The following EFR3B variants were observed in gnomAD, a reference collection of about 807,000 sequenced individuals.
EFR3B encodes EFR3 homolog B, also known as protein EFR3 homolog B.
A neutral mutation model predicts 104.7 loss-of-function variants in EFR3B; 64 were observed. The ratio of observed to expected loss-of-function variants is 0.61; its 90% CI spans 0.50 to 0.75. The LOEUF is 0.75. Ranked by LOEUF, EFR3B falls within the 30% of genes least tolerant of loss-of-function variation. The pLI is 0.00. For missense variants in EFR3B, 750 were observed against 1,078.5 expected, an observed-to-expected ratio of 0.70 and a Z score of 4.27; for synonymous variants, 385 against 417.9, an observed-to-expected ratio of 0.92 and a Z score of 0.96.
chr2:25,043,646 C>T (rs537271907), intron 1 of EFR3B, among the ~76,000 whole-genome samples: 1 of 152,256 alleles, frequency 6.6e-6, no homozygotes, highest in East Asian at 1.9e-4. Context: ...GGGAGGTTGG[C>T]CTGAGAGGCT....
At chr2:25,053,339 G>A (rs954367972) in intron 1 of EFR3B, among the ~76,000 whole-genome samples, 5 of 152,226 alleles carry the variant, frequency 3.3e-5, no homozygotes, top group African/African-American at 1.2e-4. Context: ...TAGGTCCTGA[G>A]AGACAGGCCA....
intron 1 of EFR3B, 22 bp from the exon 2 acceptor site, chr2:25,091,303 G>T: frequency 6.5e-7 from 1 of 1,548,652 alleles, no homozygotes; most frequent in African/African-American, 1.4e-5. Context: ...TTTGCTCACA[G>T]TTTTTCCCAT....
intron 1 of EFR3B, among the ~76,000 whole-genome samples, chr2:25,075,352 A>T (rs918308479): frequency 2.0e-5 from 3 of 152,120 alleles, no homozygotes; most frequent in Non-Finnish European, 2.9e-5. Context: ...TACTAACCTC[A>T]TGGGATTTTA....
chr2:25,117,791 C>T (rs1380551518), intron 4 of EFR3B, among the ~76,000 whole-genome samples: 8 of 152,086 alleles, frequency 5.3e-5, no homozygotes, highest in Admixed American at 1.3e-4. Flanking sequence ...TCATCCCCTG[C>T]TCCCCAGCAG....
intron 16 of EFR3B, among the ~76,000 whole-genome samples, chr2:25,139,631 G>A (rs769774531): frequency 1.3e-4 from 19 of 150,640 alleles, no homozygotes; most frequent in African/African-American, 3.1e-4. Context: ...AAGGTGGCCC[G>A]AGTAGAATGG....
chr2:25,079,438 C>T (rs920153873), intron 1 of EFR3B, among the ~76,000 whole-genome samples: 5 of 152,172 alleles, frequency 3.3e-5, no homozygotes, highest in Non-Finnish European at 5.9e-5. Context: ...CACTTAACCT[C>T]TCTGATCCTG....
chr2:25,080,754 T>C (rs1382879489), intron 1 of EFR3B: 9 of 1,285,354 alleles, frequency 7.0e-6, no homozygotes, highest in Non-Finnish European at 8.9e-6. Context: ...AGATTTTCTT[T>C]TGGCGTTAGG....
In EFR3B at chr2:25,131,869, C is replaced by A; in HGVS notation, c.1105C>A (p.His369Asn). 1 of 1,546,956 alleles carries A rather than the reference C, an allele frequency of 6.5e-7. No homozygotes were observed. Among genetic ancestry groups the A allele is most frequent in the Non-Finnish European group, 8.7e-7 (1 of 1,145,456 alleles). Reference sequence around the variant, plus strand: ...CCTCGGCACCAAGATCATCAAGGAGCACGAGGAGCGCATGTTCCAGGAGGC... The same window carrying A: ...CCTCGGCACCAAGATCATCAAGGAGAACGAGGAGCGCATGTTCCAGGAGGC... ...VSLGTKIIKE[H>N]EERMFQEAVI... Residue 369 changes from histidine to asparagine, a missense_variant, in exon 10 of 23, where the codon CAC (histidine) becomes AAC (asparagine). Physicochemically the swap from His to Asn is moderately conservative, Grantham distance 68. Coordinates refer to ENST00000403714, the MANE Select transcript of EFR3B (RefSeq NM_014971.2). The surrounding 1 kb of genome is among the most constrained non-coding windows in gnomAD (Gnocchi z 7.6).
At chr2:25,093,505 G>GA (rs924679315) in intron 3 of EFR3B, among the ~76,000 whole-genome samples, 222 of 146,264 alleles carry the variant, frequency 1.5e-3, no homozygotes, top group Non-Finnish European at 2.1e-3. Context: ...CTCAAAAAAA[G>GA]AAAAAAAAAA....
At chr2:25,148,413 C>T (rs1446126144) in intron 19 of EFR3B, among the ~76,000 whole-genome samples, 1 of 151,816 alleles carries the variant, frequency 6.6e-6, no homozygotes, top group African/African-American at 2.4e-5. Context: ...CGCCACCATG[C>T]CTGGCTAGTT....
intron 1 of EFR3B, among the ~76,000 whole-genome samples, chr2:25,079,261 C>T (rs1191251731): frequency 2.6e-5 from 4 of 152,142 alleles, no homozygotes; most frequent in South Asian, 2.1e-4. Flanking sequence ...GCCAGGTCCC[C>T]GGGACTGGGT....
intron 5 of EFR3B, among the ~76,000 whole-genome samples, chr2:25,124,277 A>AGTGT (rs5829961): frequency 0.071 from 8,802 of 124,424 alleles, 477 homozygotes; most frequent in Non-Finnish European, 0.1. Flanking sequence ...TGTGCATGCA[A>AGTGT]GTGTGTGTGT....
intron 4 of EFR3B, among the ~76,000 whole-genome samples, chr2:25,107,435 C>T (rs1573207541): frequency 6.6e-6 from 1 of 152,152 alleles, no homozygotes; most frequent in Non-Finnish European, 1.5e-5. Flanking sequence ...CAACTCAGAC[C>T]AATGAGCTTT....
intron 1 of EFR3B, among the ~76,000 whole-genome samples, chr2:25,043,641 G>A (rs140066499): frequency 6.6e-6 from 1 of 152,364 alleles, no homozygotes; most frequent in Non-Finnish European, 1.5e-5. Context: ...GGAGGGGGAG[G>A]TTGGCCTGAG....
At chr2:25,149,792 C>G in intron 20 of EFR3B, 50 bp downstream of exon 20, 1 of 1,511,164 alleles carries the variant, frequency 6.6e-7, no homozygotes, top group Middle Eastern at 1.7e-4. Flanking sequence ...GGGGTGGGGT[C>G]CTTGGGCCTG....
intron 1 of EFR3B, among the ~76,000 whole-genome samples, chr2:25,043,739 A>G (rs1042703625): frequency 1.3e-5 from 2 of 152,054 alleles, no homozygotes; most frequent in Admixed American, 1.3e-4. Flanking sequence ...ATGTATGTAT[A>G]TATATAGGAG....
chr2:25,117,612 C>T (rs1431396434), intron 4 of EFR3B, among the ~76,000 whole-genome samples: 1 of 152,088 alleles, frequency 6.6e-6, no homozygotes, highest in Non-Finnish European at 1.5e-5. Flanking sequence ...GGGGTTTCTC[C>T]GTGTGGGCAG....
At chr2:25,044,674 C>T (rs1037744475) in intron 1 of EFR3B, among the ~76,000 whole-genome samples, 1 of 152,094 alleles carries the variant, frequency 6.6e-6, no homozygotes, top group African/African-American at 2.4e-5. Context: ...GGCAGAGAGG[C>T]CCCCCTATGG....
chr2:25,050,941 C>G (rs543224015), intron 1 of EFR3B, among the ~76,000 whole-genome samples: 36 of 152,182 alleles, frequency 2.4e-4, no homozygotes, highest in Non-Finnish European at 4.1e-4. Flanking sequence ...TCACTTTAAT[C>G]TGCTCTTTAT....
Sources: allele counts gnomAD v4.1 joint callset (sites outside exome capture counted in the v4.1 genomes callset), GRCh38; gene constraint gnomAD v4.1.1; non-coding constraint Gnocchi (gnomAD v3.1); transcripts MANE v1.5; gene names NCBI Gene and HGNC (gene_info 2026-07-23, HGNC 2026-07-21).